The following CSMD2 variants were observed in gnomAD, a reference collection of about 807,000 sequenced individuals.
The protein encoded by CSMD2 is CUB and Sushi multiple domains 2, also known as CUB and sushi domain-containing protein 2.
In CSMD2, 130 loss-of-function variants were observed where a neutral mutation model predicts 398.5. The ratio of observed to expected loss-of-function variants is 0.33; its 90% CI spans 0.28 to 0.38. The LOEUF is 0.38. CSMD2 is among the 10% of genes least tolerant of loss of function. The pLI, the probability that CSMD2 is intolerant of heterozygous loss-of-function variation, is 1.00. For missense variants in CSMD2, 3,829 were observed against 4,764.9 expected (o/e 0.80, Z 5.78); for synonymous variants, 1,828 against 1,908.5 (o/e 0.96, Z 1.10).
intron 3 of CSMD2, among the ~76,000 whole-genome samples, chr1:33,978,593 G>C (rs1018790566): frequency 1.3e-5 from 2 of 152,148 alleles, no homozygotes; most frequent in Non-Finnish European, 2.9e-5. Flanking sequence ...GGATACGCAA[G>C]AGTTAATCCA....
intron 1 of CSMD2, among the ~76,000 whole-genome samples, chr1:34,133,276 A>C (rs1049100507): frequency 4.6e-5 from 7 of 152,164 alleles, no homozygotes; most frequent in African/African-American, 1.2e-4. Context: ...TGAACTCTGC[A>C]CTTGAAGTTG....
intron 13 of CSMD2, among the ~76,000 whole-genome samples, chr1:33,762,687 A>G (rs951565970): frequency 6.6e-6 from 1 of 152,062 alleles, no homozygotes; most frequent in Non-Finnish European, 1.5e-5. Context: ...AGTTGGAATG[A>G]ATTTTTCTTC....
chr1:33,899,381 C>T (rs994921271), intron 5 of CSMD2, among the ~76,000 whole-genome samples: 3 of 152,210 alleles, frequency 2.0e-5, no homozygotes, highest in Non-Finnish European at 2.9e-5. Flanking sequence ...CCTCCAAAAT[C>T]CAGAGGGGCA....
chr1:34,088,966 C>G lies in CSMD2; in HGVS notation c.404+11G>C. ...AGCTGTTTGCTACAGGGAAGGTGGG[C>G]AGCATGGTACCTCGTACGCAGATTC... is the stretch of plus-strand genomic sequence containing the variant. On this transcript the variant is annotated intron_variant, in intron 2 of 70. Coordinates refer to ENST00000373381, the MANE Select transcript of CSMD2 (RefSeq NM_001281956.2). 5 of 1,608,872 alleles carry G rather than the reference C, an allele frequency of 3.1e-6. No homozygotes were observed. Among genetic ancestry groups the G allele is most frequent in the Non-Finnish European group, 4.3e-6 (5 of 1,176,332 alleles).
chr1:34,159,539 T>C (rs984092665), intron 1 of CSMD2, among the ~76,000 whole-genome samples: 3 of 152,134 alleles, frequency 2.0e-5, no homozygotes, highest in African/African-American at 7.2e-5. Context: ...GCAACAAGGT[T>C]ATGAGTAAAA....
intron 40 of CSMD2, among the ~76,000 whole-genome samples, chr1:33,614,187 A>G (rs889507682): frequency 2.5e-5 from 2 of 81,244 alleles, no homozygotes; most frequent in Admixed American, 1.7e-4. Context: ...TTTATTTTTT[A>G]TTTTTAATAT....
chr1:33,999,278 T>C (rs1054867066), intron 3 of CSMD2, among the ~76,000 whole-genome samples: 1 of 152,188 alleles, frequency 6.6e-6, no homozygotes, highest in Non-Finnish European at 1.5e-5. Flanking sequence ...GGGTCTTCCC[T>C]GAGATGAACA....
At position 33,623,513 on chromosome 1, in the gene CSMD2, T is replaced by C. The variant is rs201223362; in HGVS notation, c.5626-47A>G. 8.6e-5 allele frequency: 115 copies of C among 1,333,080 alleles called. No homozygotes were observed. In the East Asian group the frequency reaches 1.8e-3, roughly 20 times the overall value. 82.6% of individuals were successfully genotyped at this position (1,333,080 alleles called of 1,614,324 possible). ...TTGTTGGTTAGGCAGCCTGCGTCCC[T>C]CCCTCCTTCTCTGCTTTCCCTTTCT... On this transcript the variant is annotated intron_variant, in intron 35 of 70. Transcript: ENST00000373381.
chr1:33,726,685 G>C lies in CSMD2; in HGVS notation c.2369C>G (p.Ala790Gly), dbSNP rs142895085. The C allele has an allele frequency of 3.4e-5, 54 of 1,608,512 alleles. 1 individual carries two copies. The highest frequency in any genetic ancestry group is 1.6e-4 in the Middle Eastern group (1 of 6,068). The change falls in exon 16 of 71, where the codon GCT becomes GGT. Residue 790 changes from alanine (A) to glycine (G), a missense_variant and splice_region_variant. Transcript: ENST00000373381. ...VWNSAVLRCEAPCGGHLTSPS... is the reference protein window; with the variant it reads ...VWNSAVLRCEGPCGGHLTSPS... ...CGAAGTCAGGTGACCACCACAGGGAGCTGGGGGGACAGAAGGAAGAGAGGC... is the reference window on the plus strand; with the variant it reads ...CGAAGTCAGGTGACCACCACAGGGACCTGGGGGGACAGAAGGAAGAGAGGC...
intron 5 of CSMD2, among the ~76,000 whole-genome samples, chr1:33,886,687 C>T (rs1641620496): frequency 6.6e-6 from 1 of 152,216 alleles, no homozygotes; most frequent in South Asian, 2.1e-4. Flanking sequence ...TCAGAGCTTA[C>T]AACTGGGGCC....
rs930913625 is a variant in CSMD2 at position 33,731,649 on chromosome 1, G to T, written c.2369-4964C>A. On this transcript the variant is annotated intron_variant, in intron 15 of 70. Transcript: ENST00000373381. ...GCAACAACAAAAAAATCTCAAGGGGGTGGGGAGTAGACACCTATAGATTAG... is the reference window on the plus strand; with the variant it reads ...GCAACAACAAAAAAATCTCAAGGGGTTGGGGAGTAGACACCTATAGATTAG... Among the ~76,000 whole-genome samples, 3 of 152,098 alleles carry T rather than the reference G, an allele frequency of 2.0e-5. No homozygotes were observed. In the South Asian group the frequency reaches 6.2e-4, roughly 31 times the overall value.
intron 2 of CSMD2, among the ~76,000 whole-genome samples, chr1:34,048,308 GCTCT>G (rs1487298847): frequency 1.3e-5 from 2 of 152,202 alleles, no homozygotes; most frequent in African/African-American, 2.4e-5. Context: ...AATGGAAACT[GCTCT>G]CTGTCAAGGC....
At chr1:33,787,105 T>C (rs2124837074) in intron 12 of CSMD2, among the ~76,000 whole-genome samples, 1 of 152,266 alleles carries the variant, frequency 6.6e-6, no homozygotes, top group East Asian at 1.9e-4. Context: ...AGGCAGAGAC[T>C]GGAGTGATGC....
At chr1:34,108,946 G>T (rs1660782017) in intron 1 of CSMD2, among the ~76,000 whole-genome samples, 1 of 152,166 alleles carries the variant, frequency 6.6e-6, no homozygotes. Context: ...GAGATGAGGG[G>T]TGGTAAGACT....
chr1:34,032,298 G>T (rs763741895), intron 3 of CSMD2, among the ~76,000 whole-genome samples: 18 of 151,352 alleles, frequency 1.2e-4, no homozygotes, highest in Non-Finnish European at 1.5e-4. Flanking sequence ...ATATAAAACA[G>T]AATTAAAAAA....
chr1:33,743,561 G>C lies in CSMD2; in HGVS notation c.1892C>G (p.Ser631Cys), dbSNP rs763664291. 6.2e-7 allele frequency: 1 copy of C among 1,612,426 alleles called. No individual in the cohort carries two copies. The change falls in exon 14 of 71, where the codon TCT becomes TGT. Residue 631 changes from serine (S) to cysteine (C), a missense_variant. This residue lies in a region of CSMD2 where 2,001 missense variants were observed against 2,567.1 expected (regional missense o/e 0.78). Coordinates refer to ENST00000373381, the MANE Select transcript of CSMD2 (RefSeq NM_001281956.2). ...GCCATAGTCCTCTGGGTAGTTGGGAGACAGGACAACCCCAGACGGGCTGGT... is the reference window on the plus strand; with the variant it reads ...GCCATAGTCCTCTGGGTAGTTGGGACACAGGACAACCCCAGACGGGCTGGT... ...NFTSPSGVVL[S>C]PNYPEDYGNH... is the part of the protein sequence containing the mutation.
At chr1:33,707,118 TA>T (rs1307368246) in intron 22 of CSMD2, among the ~76,000 whole-genome samples, 2 of 152,202 alleles carry the variant, frequency 1.3e-5, no homozygotes, top group Admixed American at 1.3e-4. Context: ...TCTTAGGTGC[TA>T]TTCTGAATCT....
intron 13 of CSMD2, among the ~76,000 whole-genome samples, chr1:33,761,559 A>G (rs1649815280): frequency 6.6e-6 from 1 of 151,770 alleles, no homozygotes; most frequent in African/African-American, 2.4e-5. Context: ...ATCTTCAACA[A>G]CTCAGGGGAT....
At chr1:33,955,308 C>T (rs942864380) in intron 3 of CSMD2, among the ~76,000 whole-genome samples, 2 of 152,272 alleles carry the variant, frequency 1.3e-5, no homozygotes, top group South Asian at 2.1e-4. Flanking sequence ...TGTGACTTGT[C>T]GCCAAGCAAA....
Sources: gnomAD v4.1 joint callset for allele counts (sites outside exome capture counted in the v4.1 genomes callset) on GRCh38, gnomAD v4.1.1 for gene constraint, gnomAD v4.1.1 regional missense constraint, MANE v1.5 for transcripts, NCBI Gene and HGNC (gene_info 2026-07-23, HGNC 2026-07-21) for gene names.